ZNF679: variants seen among roughly 807,000 people sequenced by gnomAD.
ZNF679 encodes hypothetical protein MGC42415.
Under a neutral mutation model 13.4 loss-of-function variants are expected in ZNF679, and 10 were observed. The ratio of observed to expected loss-of-function variants is 0.75; its 90% CI spans 0.46 to 1.27. The LOEUF is 1.27. Among genes scored for constraint, ZNF679 ranks in the 50% most tolerant of loss-of-function variants. ZNF679 has a pLI of 0.00. For missense variants in ZNF679, 525 were observed against 477.8 expected, an observed-to-expected ratio of 1.10 and a Z score of -0.92; for synonymous variants, 179 against 162.5, an observed-to-expected ratio of 1.10 and a Z score of -0.77.
intron 1 of ZNF679, among the ~76,000 whole-genome samples, chr7:64,231,646 C>CA (rs1167778831): frequency 5.9e-5 from 9 of 152,084 alleles, no homozygotes; most frequent in Admixed American, 5.9e-4. Context: ...AGAGATCTGT[C>CA]ACAATGCCTT....
chr7:64,246,125 C>T (rs564643430), intron 1 of ZNF679, among the ~76,000 whole-genome samples: 2 of 152,324 alleles, frequency 1.3e-5, no homozygotes, highest in South Asian at 2.1e-4. Context: ...TTAGGAAAGA[C>T]TAACTTTTCT....
Position 64,265,885 on chromosome 7 carries a change from A to G in ZNF679, c.263-11A>G. On this transcript the variant is annotated splice_polypyrimidine_tract_variant and intron_variant, in intron 4 of 4. Coordinates refer to ENST00000421025, the MANE Select transcript of ZNF679 (RefSeq NM_153363.3). ...GTAAGTGAAGTAACTTGTGATTTTT[A>G]TGTCTTTCAGTTATGTGTTCTCATT... 6.2e-7 allele frequency: 1 copy of G among 1,607,676 alleles called. No individual in the cohort carries two copies. The highest frequency in any genetic ancestry group is 8.5e-7 in the Non-Finnish European group (1 of 1,177,704).
At chr7:64,236,048 T>C (rs938820709) in intron 1 of ZNF679, among the ~76,000 whole-genome samples, 44 of 151,880 alleles carry the variant, frequency 2.9e-4, no homozygotes, top group African/African-American at 8.9e-4. Flanking sequence ...GGGTGGATCA[T>C]GAGGTCAGGA....
Position 64,266,563 on chromosome 7 carries a change from C to T in ZNF679, c.930C>T (p.Ser310=), listed in dbSNP as rs758424385. 2.5e-6 allele frequency: 4 copies of T among 1,612,238 alleles called. No homozygotes were observed. In the Admixed American group the frequency reaches 5.0e-5, roughly 20 times the overall value. ...GCAAAGCCTTTAGCTTATCCTCATC[C>T]CTCACTTACCACAAGAGAATTCATA... ...ECGKAFSLSS[S]LTYHKRIHTG... The change falls in exon 5 of 5, where the codon TCC becomes TCT. Residue 310 remains serine (S), a synonymous_variant. Transcript: ENST00000421025.
At chr7:64,259,112 A>G (rs1788042544) in intron 2 of ZNF679, among the ~76,000 whole-genome samples, 1 of 152,030 alleles carries the variant, frequency 6.6e-6, no homozygotes, top group South Asian at 2.1e-4. Flanking sequence ...GGGTTTTACC[A>G]TGTTGGCCAG....
intron 1 of ZNF679, 87 bp from the exon 2 acceptor site, chr7:64,248,941 A>G (rs1787904242): frequency 3.2e-6 from 3 of 929,054 alleles, no homozygotes; most frequent in Middle Eastern, 2.8e-4. Context: ...GGGGCCATAT[A>G]TTAGAAACTG....
intron 2 of ZNF679, among the ~76,000 whole-genome samples, chr7:64,255,013 A>AAAAG (rs1554372349): frequency 6.6e-6 from 1 of 150,460 alleles, no homozygotes; most frequent in Non-Finnish European, 1.5e-5. Context: ...AAAAAAAAAA[A>AAAAG]AAAAGAAAAA....
At chr7:64,256,783 C>T (rs1788010727) in intron 2 of ZNF679, among the ~76,000 whole-genome samples, 1 of 151,386 alleles carries the variant, frequency 6.6e-6, no homozygotes, top group Admixed American at 6.6e-5. Flanking sequence ...CTGCAAACTC[C>T]GCCTTCTGGT....
rs1787820822 is a variant in ZNF679, at chr7:64,243,200, C to T, written c.-90-5828C>T. 2.0e-5 allele frequency among the ~76,000 whole-genome samples: 3 copies of T among 152,112 alleles called. No individual in the cohort carries two copies. The South Asian group carries it at 6.2e-4, about 32-fold the overall frequency. ...ATCATTACCTGTTTGTCTAAGCCTACCTAGAAGAGTTAAAATCTCTTCCAT... is the reference window on the plus strand; with the variant it reads ...ATCATTACCTGTTTGTCTAAGCCTATCTAGAAGAGTTAAAATCTCTTCCAT... On this transcript the variant is annotated intron_variant, in intron 1 of 4. Coordinates refer to ENST00000421025, the MANE Select transcript of ZNF679 (RefSeq NM_153363.3).
chr7:64,257,803 T>C (rs528864279), intron 2 of ZNF679, among the ~76,000 whole-genome samples: 1 of 152,338 alleles, frequency 6.6e-6, no homozygotes, highest in South Asian at 2.1e-4. Context: ...TAAGGGACTC[T>C]TTGCTGTGCC....
intron 1 of ZNF679, among the ~76,000 whole-genome samples, chr7:64,239,954 G>T (rs1471241105): frequency 6.6e-6 from 1 of 152,148 alleles, no homozygotes; most frequent in Admixed American, 6.5e-5. Flanking sequence ...CCCACAAGTG[G>T]CACTGTGGCA....
intron 4 of ZNF679, among the ~76,000 whole-genome samples, chr7:64,264,131 A>G (rs1337031651): frequency 4.6e-5 from 7 of 152,012 alleles, no homozygotes; most frequent in African/African-American, 1.4e-4. Context: ...TATAATATCA[A>G]TCTTTGTCTC....
chr7:64,236,975 A>AGAG (rs1554369174), intron 1 of ZNF679, among the ~76,000 whole-genome samples: 19 of 16,264 alleles, frequency 1.2e-3, no homozygotes, highest in African/African-American at 3.0e-3. Flanking sequence ...GAAAGAAAGA[A>AGAG]AAAGAAAGAA....
chr7:64,241,939 A>C (rs1389117129), intron 1 of ZNF679, among the ~76,000 whole-genome samples: 4 of 152,248 alleles, frequency 2.6e-5, no homozygotes, highest in Non-Finnish European at 5.9e-5. Context: ...GAAAGGTTTA[A>C]GGATAAGATT....
chr7:64,263,273 T>C (rs1788102077), intron 4 of ZNF679, among the ~76,000 whole-genome samples: 1 of 152,070 alleles, frequency 6.6e-6, no homozygotes, highest in Admixed American at 6.6e-5. Flanking sequence ...TAATTATTTG[T>C]AGAGACTGGG....
intron 1 of ZNF679, among the ~76,000 whole-genome samples, chr7:64,235,283 GTA>G (rs888538449): frequency 6.7e-6 from 1 of 148,822 alleles, no homozygotes; most frequent in Non-Finnish European, 1.5e-5. Flanking sequence ...AAATCAGAAA[GTA>G]TATTGACAAA....
At chr7:64,236,451 G>A in intron 1 of ZNF679, among the ~76,000 whole-genome samples, 1 of 150,362 alleles carries the variant, frequency 6.7e-6, no homozygotes, top group Non-Finnish European at 1.5e-5. Context: ...CGTTTGTGGG[G>A]GGAAAAAAAA....
chr7:64,241,885 T>C (rs1787803556), intron 1 of ZNF679, among the ~76,000 whole-genome samples: 1 of 152,158 alleles, frequency 6.6e-6, no homozygotes, highest in Admixed American at 6.5e-5. Flanking sequence ...TACAGTAAAA[T>C]TAATCAGATG....
chr7:64,248,436 A>C (rs10266003), intron 1 of ZNF679, among the ~76,000 whole-genome samples: 70,561 of 151,844 alleles, frequency 0.46, 17,104 homozygotes, highest in East Asian at 0.82. Flanking sequence ...ACGCCCGCCA[A>C]CACCCTGGCT....
Sources: gnomAD v4.1 joint callset for allele counts (sites outside exome capture counted in the v4.1 genomes callset) on GRCh38, gnomAD v4.1.1 for gene constraint, MANE v1.5 for transcripts, NCBI Gene and HGNC (gene_info 2026-07-23, HGNC 2026-07-21) for gene names.